Variants in RUFY3 observed in about 807,000 individuals in gnomAD.
The protein encoded by RUFY3 is RUN and FYVE domain containing 3, also known as protein RUFY3.
RUFY3 carries 34 observed loss-of-function variants against 84.0 expected under a neutral mutation model. The observed-to-expected ratio is 0.40, with a 90% CI of 0.31 to 0.54. The LOEUF (loss-of-function observed/expected upper bound fraction) is 0.54, where lower values mean the gene tolerates loss of function less well. Ranked by LOEUF, RUFY3 falls within the 20% of genes least tolerant of loss-of-function variation. RUFY3 has a pLI of 0.39. For missense variants in RUFY3, 507 were observed against 736.8 expected (o/e 0.69, Z 3.61); for synonymous variants, 242 against 252.9 (o/e 0.96, Z 0.41).
At chr4:70,731,227 G>A (rs898463442) in intron 1 of RUFY3, among the ~76,000 whole-genome samples, 2 of 151,626 alleles carry the variant, frequency 1.3e-5, no homozygotes, top group Admixed American at 6.6e-5. Flanking sequence ...AGTAAAGAAG[G>A]GGTTTCATCA....
At chr4:70,786,447 G>T (rs1729830637) in intron 10 of RUFY3, among the ~76,000 whole-genome samples, 1 of 149,694 alleles carries the variant, frequency 6.7e-6, no homozygotes, top group Non-Finnish European at 1.5e-5. Flanking sequence ...GGGTTCATAT[G>T]ATAATTTAAT....
At position 70,768,422 on chromosome 4, in the gene RUFY3, T is replaced by A. The variant is rs545019156; in HGVS notation, c.573-116T>A. ...GTTTTTTTTTTACTATTTTTGTAGA[T>A]GGCTATAATCAACCATGATGACTAT... On this transcript the variant is annotated intron_variant, in intron 4 of 17. Coordinates refer to ENST00000381006, the MANE Select transcript of RUFY3 (RefSeq NM_001037442.4). 1.6e-4 allele frequency: 132 copies of A among 815,412 alleles called. No homozygotes were observed. In the African/African-American group the frequency reaches 2.2e-3, roughly 13 times the overall value. 50.5% of individuals were successfully genotyped at this position (815,412 alleles called of 1,614,324 possible). A position where few individuals can be genotyped will look rare whatever the true frequency, so the allele number is the denominator to read the frequency against.
intron 14 of RUFY3, chr4:70,799,441 G>A (rs1731958405): frequency 6.6e-6 from 1 of 152,336 alleles, no homozygotes; most frequent in Non-Finnish European, 1.5e-5. Context: ...TCTGGAGGCT[G>A]AGGCACAAGA....
At chr4:70,762,803 A>G in intron 2 of RUFY3, 111 bp downstream of exon 2, 1 of 900,212 alleles carries the variant, frequency 1.1e-6, no homozygotes, top group Non-Finnish European at 1.7e-6. Flanking sequence ...TGAATTAATA[A>G]TATTAATCCA....
chr4:70,716,821 T>C (rs1002487795), intron 1 of RUFY3, among the ~76,000 whole-genome samples: 26 of 137,764 alleles, frequency 1.9e-4, no homozygotes, highest in Non-Finnish European at 3.2e-4. Context: ...CTCCAGCCTG[T>C]ATGACAAGAA....
intron 14 of RUFY3, among the ~76,000 whole-genome samples, chr4:70,798,042 A>G (rs548961478): frequency 5.9e-5 from 9 of 152,170 alleles, no homozygotes; most frequent in African/African-American, 1.9e-4. Context: ...GAGGATAAGT[A>G]TTGACCTCTC....
upstream of RUFY3, chr4:70,704,794 C>A: frequency 1.9e-6 from 1 of 519,810 alleles, no homozygotes; most frequent in Non-Finnish European, 2.9e-6. Context: ...AGCCCAGGCG[C>A]CAGCCCGTGG....
chr4:70,723,370 A>G (rs1376379590), intron 1 of RUFY3, among the ~76,000 whole-genome samples: 4 of 152,220 alleles, frequency 2.6e-5, no homozygotes, highest in Non-Finnish European at 4.4e-5. Context: ...AAGGTTAAAT[A>G]TGATTAATAT....
At chr4:70,784,270 G>C (rs1729413433) in intron 9 of RUFY3, among the ~76,000 whole-genome samples, 1 of 152,164 alleles carries the variant, frequency 6.6e-6, no homozygotes, top group Non-Finnish European at 1.5e-5. Context: ...ATCACTTGAG[G>C]TCGGGAGTTC....
At chr4:70,757,309 A>C (rs1047816132) in intron 1 of RUFY3, among the ~76,000 whole-genome samples, 1 of 151,766 alleles carries the variant, frequency 6.6e-6, no homozygotes, top group Non-Finnish European at 1.5e-5. Context: ...GAACATTTAA[A>C]ATTATTTGTT....
intron 1 of RUFY3, among the ~76,000 whole-genome samples, chr4:70,714,943 G>A (rs556198823): frequency 6.6e-6 from 1 of 152,222 alleles, no homozygotes; most frequent in South Asian, 2.1e-4. Context: ...ATCTTATGCT[G>A]GTTAATTTTA....
At position 70,742,488 on chromosome 4, in the gene RUFY3, C is replaced by T. The variant is rs528058053; in HGVS notation, c.178+19737C>T. Among the ~76,000 whole-genome samples, 3 of 152,272 alleles carry T rather than the reference C, an allele frequency of 2.0e-5. No homozygotes were observed. The South Asian group carries it at 6.2e-4, about 32-fold the overall frequency. On this transcript the variant is annotated intron_variant, in intron 1 of 17. Coordinates refer to ENST00000381006, the MANE Select transcript of RUFY3 (RefSeq NM_001037442.4). Reference sequence around the variant, plus strand: ...TCCTGTGACATCTCATGTATTTATACCCTTCCCCCTCCGCCTGTGCCACCT... The same window carrying T: ...TCCTGTGACATCTCATGTATTTATATCCTTCCCCCTCCGCCTGTGCCACCT...
intron 1 of RUFY3, among the ~76,000 whole-genome samples, chr4:70,739,848 G>A (rs1031061633): frequency 1.0e-4 from 15 of 148,626 alleles, no homozygotes; most frequent in African/African-American, 2.8e-4. Flanking sequence ...AAAAAAAGCC[G>A]GGTGCAGTGG....
At chr4:70,772,990 C>T (rs946131448) in intron 5 of RUFY3, among the ~76,000 whole-genome samples, 4 of 152,032 alleles carry the variant, frequency 2.6e-5, no homozygotes, top group African/African-American at 9.7e-5. Context: ...AAGAAATAAG[C>T]TAAATAATAA....
chr4:70,718,907 G>A (rs528039211), upstream of RUFY3, among the ~76,000 whole-genome samples: 5 of 152,020 alleles, frequency 3.3e-5, no homozygotes, highest in East Asian at 1.9e-4. Flanking sequence ...TAAAGATGGC[G>A]TTTCTCCATG....
chr4:70,721,317 G>C (rs369689317), upstream of RUFY3, among the ~76,000 whole-genome samples: 3 of 151,200 alleles, frequency 2.0e-5, no homozygotes, highest in East Asian at 3.9e-4. Flanking sequence ...GAAAAAAAAA[G>C]AAACGTATTT....
chr4:70,796,499 A>G (rs539052238), intron 14 of RUFY3, among the ~76,000 whole-genome samples: 1 of 152,346 alleles, frequency 6.6e-6, no homozygotes, highest in East Asian at 1.9e-4. Flanking sequence ...TGAAAGCTAT[A>G]CTTTTGTCTG....
chr4:70,804,462 A>G, intron 17 of RUFY3, 46 bp downstream of exon 17: 2 of 1,505,796 alleles, frequency 1.3e-6, no homozygotes, highest in Non-Finnish European at 1.8e-6. Context: ...GGATGTCTAC[A>G]GCAGCCCCCA....
chr4:70,713,959 A>G (rs1439730074), intron 1 of RUFY3, among the ~76,000 whole-genome samples: 2 of 152,236 alleles, frequency 1.3e-5, no homozygotes, highest in African/African-American at 2.4e-5. Context: ...AGAACTCTCA[A>G]AGGAGAAGCA....
Sources: gnomAD v4.1 joint callset for allele counts (sites outside exome capture counted in the v4.1 genomes callset) on GRCh38, gnomAD v4.1.1 for gene constraint, MANE v1.5 for transcripts, NCBI Gene and HGNC (gene_info 2026-07-23, HGNC 2026-07-21) for gene names.